Variants in TGIF1 observed in about 807,000 individuals in gnomAD.
The protein encoded by TGIF1 is TGFB induced factor homeobox 1.
Under a neutral mutation model 19.3 loss-of-function variants are expected in TGIF1, and 4 were observed. That is an observed-to-expected ratio of 0.21 (90% CI 0.10 to 0.47). The LOEUF is 0.47. TGIF1 is among the 20% of genes least tolerant of loss of function. The pLI is 0.98. For synonymous variants in TGIF1, 122 were observed against 129.3 expected (o/e 0.94, Z 0.38); for missense variants, 275 against 341.4 (o/e 0.81, Z 1.53).
At position 3,451,784 on chromosome 18, in the gene TGIF1, C is replaced by T. The variant is rs996216143; in HGVS notation, c.16+1279C>T. The T allele has an allele frequency of 4.7e-6, 6 of 1,285,740 alleles. No homozygotes were observed. In the African/African-American group the frequency reaches 6.2e-5, roughly 13 times the overall value. 79.6% of individuals were successfully genotyped at this position (1,285,740 alleles called of 1,614,324 possible). ...ACTGGCAGTCGTTGTTGGTAGAACG[C>T]CCTAAGGACCCCTCCCCGCGGGACG... On this transcript the variant is annotated intron_variant, in intron 1 of 2. Transcript: ENST00000343820. This position sits in a 1 kb window ranked among gnomAD's most constrained non-coding sequence, Gnocchi z 5.4.
At chr18:3,448,420 G>A, upstream of TGIF1, 1 of 993,934 alleles carries the variant, frequency 1.0e-6, no homozygotes, top group Non-Finnish European at 1.2e-6. Context: ...CCCGCACCGG[G>A]CGCAGCAGCT....
In TGIF1 at chr18:3,450,240, G is replaced by A; in HGVS notation, c.-250G>A. The A allele has an allele frequency of 7.0e-7, 1 of 1,424,460 alleles. No individual in the cohort carries two copies. The highest frequency in any genetic ancestry group is 9.1e-7 in the Non-Finnish European group (1 of 1,093,642). The allele number at this position is 1,424,460 out of a possible 1,614,324, so 88.2% of individuals were successfully genotyped here. ...AGGAGCGGAGAGGGGAGGGGAGAGAGTTGGGCGAGGGAGAGCCCCCGGCCG... is the reference window on the plus strand; with the variant it reads ...AGGAGCGGAGAGGGGAGGGGAGAGAATTGGGCGAGGGAGAGCCCCCGGCCG... On this transcript the variant is annotated 5_prime_UTR_variant, in exon 1 of 3. Transcript: ENST00000343820.
chr18:3,427,645 G>T (rs2082489986), intron 2 of TGIF1, among the ~76,000 whole-genome samples: 1 of 150,900 alleles, frequency 6.6e-6, no homozygotes, highest in Non-Finnish European at 1.5e-5. Flanking sequence ...TGTCACCCAG[G>T]CTGGAGTGCA....
At chr18:3,445,723 CAAAAAA>C (rs141550400), upstream of TGIF1, among the ~76,000 whole-genome samples, 13 of 17,696 alleles carry the variant, frequency 7.3e-4, no homozygotes, top group African/African-American at 1.8e-3. Flanking sequence ...GACTCTGTCT[CAAAAAA>C]AAAAAAAAAA....
At position 3,458,258 on chromosome 18, in the gene TGIF1, C is replaced by T; in HGVS notation, c.*318C>T. ...TGTTATTTTTTCAGACTGTGCAATA[C>T]TTAGAGAACCTATAGCATCTTCTCA... is the stretch of plus-strand genomic sequence containing the variant. On this transcript the variant is annotated 3_prime_UTR_variant, in exon 3 of 3. Coordinates refer to ENST00000343820, the MANE Select transcript of TGIF1 (RefSeq NM_003244.4). 1 of 325,212 alleles carries T rather than the reference C, an allele frequency of 3.1e-6. No homozygotes were observed. The highest frequency in any genetic ancestry group is 5.7e-6 in the Non-Finnish European group (1 of 175,736). The allele number at this position is 325,212 out of a possible 1,614,324, so 20.1% of individuals were successfully genotyped here.
chr18:3,437,392 A>T (rs2082627602), intron 2 of TGIF1, among the ~76,000 whole-genome samples: 1 of 152,134 alleles, frequency 6.6e-6, no homozygotes, highest in Admixed American at 6.6e-5. Context: ...CCTAGCAGTA[A>T]ATTAATTAAA....
upstream of TGIF1, chr18:3,448,611 T>TA: frequency 2.0e-6 from 2 of 985,434 alleles, no homozygotes; most frequent in Non-Finnish European, 2.4e-6. Flanking sequence ...GCTGCCTTCT[T>TA]AGAGAGACGC....
In TGIF1 at chr18:3,459,223, TCTAAGTGTGAGGGAGCATCA is replaced by T. The variant is rs920451556; in HGVS notation, c.*1284_*1303del. ...CCAGCCCTGCCCCAGCTATGAATTG[TCTAAGTGTGAGGGAGCATCA>T]GAGCTTCAGTATTGTTTAAAGAATG... On this transcript the variant is annotated 3_prime_UTR_variant, in exon 3 of 3. Coordinates refer to ENST00000343820, the MANE Select transcript of TGIF1 (RefSeq NM_003244.4). 1.3e-5 allele frequency: 2 copies of T among 152,150 alleles called. No homozygotes were observed. The highest frequency in any genetic ancestry group is 1.3e-4 in the Admixed American group (2 of 15,284). 9.4% of individuals were successfully genotyped at this position (152,150 alleles called of 1,614,324 possible). A position where few individuals can be genotyped will look rare whatever the true frequency, so the allele number is the denominator to read the frequency against.
At position 3,451,762 on chromosome 18, in the gene TGIF1, G is replaced by A; in HGVS notation, c.16+1257G>A. The A allele has an allele frequency of 8.0e-7, 1 of 1,252,430 alleles. No homozygotes were observed. The highest frequency in any genetic ancestry group is 1.0e-6 in the Non-Finnish European group (1 of 999,556). 77.6% of individuals were successfully genotyped at this position (1,252,430 alleles called of 1,614,324 possible). On this transcript the variant is annotated intron_variant, in intron 1 of 2. Transcript: ENST00000343820. This position sits in a 1 kb window ranked among gnomAD's most constrained non-coding sequence, Gnocchi z 5.4. ...ATTAAACTTGAAACTCGGATCAACT[G>A]GCAGTCGTTGTTGGTAGAACGCCCT... is the stretch of plus-strand genomic sequence containing the variant.
Position 3,450,388 on chromosome 18 carries a change from G to A in TGIF1, c.-102G>A, listed in dbSNP as rs2082866601. ...GGCTGGAGCACGTCCTACAAGTTAC[G>A]GGAGAGTCGGCTGTGAAGGAGACGT... On this transcript the variant is annotated 5_prime_UTR_variant, in exon 1 of 3. Coordinates refer to ENST00000343820, the MANE Select transcript of TGIF1 (RefSeq NM_003244.4). The A allele has an allele frequency of 1.3e-6, 2 of 1,544,334 alleles. No homozygotes were observed. The highest frequency in any genetic ancestry group is 1.7e-6 in the Non-Finnish European group (2 of 1,143,336).
chr18:3,451,309 T>C lies in TGIF1; in HGVS notation c.16+804T>C. The C allele has an allele frequency of 1.0e-6, 1 of 963,888 alleles. No homozygotes were observed. Among genetic ancestry groups the C allele is most frequent in the Non-Finnish European group, 1.2e-6 (1 of 810,580 alleles). The allele number at this position is 963,888 out of a possible 1,614,324, so 59.7% of individuals were successfully genotyped here. A position where few individuals can be genotyped will look rare whatever the true frequency, so the allele number is the denominator to read the frequency against. Reference sequence around the variant, plus strand: ...GTTCTGGAAGCTTTACAACTAAAACTTGCCGTCAGTTTGGTTTAAAAACAA... The same window carrying C: ...GTTCTGGAAGCTTTACAACTAAAACCTGCCGTCAGTTTGGTTTAAAAACAA... On this transcript the variant is annotated intron_variant, in intron 1 of 2. Transcript: ENST00000343820. The surrounding 1 kb of genome is among the most constrained non-coding windows in gnomAD (Gnocchi z 5.4).
upstream of TGIF1, chr18:3,450,052 C>A (rs2082850902): frequency 2.0e-6 from 2 of 1,006,462 alleles, no homozygotes. Context: ...GCGCTCGGTC[C>A]AGTCTTCCCG....
In TGIF1 at chr18:3,451,448, C is replaced by A; in HGVS notation, c.16+943C>A. On this transcript the variant is annotated intron_variant, in intron 1 of 2. Coordinates refer to ENST00000343820, the MANE Select transcript of TGIF1 (RefSeq NM_003244.4). This position sits in a 1 kb window ranked among gnomAD's most constrained non-coding sequence, Gnocchi z 5.4. Reference sequence around the variant, plus strand: ...ATTGAGTCCCTGGCTGGGAGGTCCCCCGAGTGTTCCGCTGTGGGCTGGAGG... The same window carrying A: ...ATTGAGTCCCTGGCTGGGAGGTCCCACGAGTGTTCCGCTGTGGGCTGGAGG... 1.0e-6 allele frequency: 1 copy of A among 987,124 alleles called. No individual in the cohort carries two copies. The highest frequency in any genetic ancestry group is 1.2e-6 in the Non-Finnish European group (1 of 831,194). The allele number at this position is 987,124 out of a possible 1,614,324, so 61.1% of individuals were successfully genotyped here. A position where few individuals can be genotyped will look rare whatever the true frequency, so the allele number is the denominator to read the frequency against.
chr18:3,434,450 C>T (rs140139366), intron 2 of TGIF1, among the ~76,000 whole-genome samples: 158 of 152,208 alleles, frequency 1.0e-3, no homozygotes, highest in Middle Eastern at 0.01. Flanking sequence ...GCAGGAGAAT[C>T]GCTTAAACCC....
At chr18:3,420,373 A>G (rs542344290) in intron 2 of TGIF1, among the ~76,000 whole-genome samples, 33 of 151,982 alleles carry the variant, frequency 2.2e-4, no homozygotes, top group African/African-American at 7.7e-4. Context: ...ACAGAGTGAG[A>G]CTCCCTCTCA....
At chr18:3,427,874 A>T (rs984437370) in intron 2 of TGIF1, among the ~76,000 whole-genome samples, 2 of 152,236 alleles carry the variant, frequency 1.3e-5, no homozygotes, top group African/African-American at 4.8e-5. Context: ...GGATGGGATT[A>T]TAGGCGTGAA....
intron 1 of TGIF1, chr18:3,452,454 C>G: frequency 6.2e-7 from 1 of 1,603,654 alleles, no homozygotes; most frequent in South Asian, 1.1e-5. Flanking sequence ...CCGAGGTTAC[C>G]CGGGTTTCTT....
At position 3,437,367 on chromosome 18, in the gene TGIF1, A is replaced by G. The variant is rs148721249; in HGVS notation, c.-44-18987A>G. ...TTGTTTCTAGCTTAGGCCACCTGTT[A>G]CCAGATAAGGATTTCCTAGCAGTAA... On this transcript the variant is annotated intron_variant, in intron 2 of 3. Transcript: ENST00000401449. Among the ~76,000 whole-genome samples the G allele has an allele frequency of 2.8e-3, 420 of 152,292 alleles. 2 individuals are homozygous for G. Among genetic ancestry groups the G allele is most frequent in the African/African-American group, 9.9e-3 (410 of 41,552 alleles).
At chr18:3,430,062 A>G (rs914203593) in intron 2 of TGIF1, among the ~76,000 whole-genome samples, 15 of 152,228 alleles carry the variant, frequency 9.9e-5, no homozygotes, top group African/African-American at 3.6e-4. Context: ...AGGCTGAGGC[A>G]GGAGAATTGC....
Sources: allele counts gnomAD v4.1 joint callset (sites outside exome capture counted in the v4.1 genomes callset), GRCh38; gene constraint gnomAD v4.1.1; non-coding constraint Gnocchi (gnomAD v3.1); transcripts MANE v1.5; gene names NCBI Gene and HGNC (gene_info 2026-07-23, HGNC 2026-07-21).